Variants in PIK3C2A observed in about 807,000 individuals in gnomAD.
The protein encoded by PIK3C2A is phosphatidylinositol-4-phosphate 3-kinase catalytic subunit type 2 alpha, also known as phosphatidylinositol 4-phosphate 3-kinase C2 domain-containing subunit alpha.
Under a neutral mutation model 204.5 loss-of-function variants are expected in PIK3C2A, and 97 were observed. That is an observed-to-expected ratio of 0.47 (90% CI 0.40 to 0.56). PIK3C2A has a LOEUF of 0.56. Ranked by LOEUF, PIK3C2A falls within the 20% of genes least tolerant of loss-of-function variation. PIK3C2A has a pLI of 0.00. For synonymous variants in PIK3C2A, 653 were observed against 664.4 expected, an observed-to-expected ratio of 0.98 and a Z score of 0.26; for missense variants, 1,735 against 1,969.2, an observed-to-expected ratio of 0.88 and a Z score of 2.25.
intron 32 of PIK3C2A, 99 bp from the exon 33 acceptor site, chr11:17,090,019 G>T: frequency 1.2e-6 from 1 of 835,146 alleles, no homozygotes; most frequent in Non-Finnish European, 1.9e-6. Flanking sequence ...GCCAAAGAGT[G>T]ACCACAATGA....
At chr11:17,202,686 T>G (rs1008223674) in intron 1 of PIK3C2A, among the ~76,000 whole-genome samples, 1 of 152,158 alleles carries the variant, frequency 6.6e-6, no homozygotes, top group South Asian at 2.1e-4. Context: ...CTCAGCAAAA[T>G]CAGAATACTT....
chr11:17,182,331 T>C (rs1026077046), intron 1 of PIK3C2A, among the ~76,000 whole-genome samples: 5 of 151,856 alleles, frequency 3.3e-5, no homozygotes, highest in Non-Finnish European at 7.4e-5. Context: ...ACAAAACACA[T>C]TGGGAGGCTG....
chr11:17,125,240 G>A (rs1389819881), intron 13 of PIK3C2A, among the ~76,000 whole-genome samples: 4 of 152,064 alleles, frequency 2.6e-5, no homozygotes, highest in African/African-American at 7.2e-5. Flanking sequence ...TTCTCAACTG[G>A]GAGTGATTTT....
chr11:17,092,583 A>G (rs957809695), intron 28 of PIK3C2A, among the ~76,000 whole-genome samples: 1 of 152,178 alleles, frequency 6.6e-6, no homozygotes, highest in Admixed American at 6.5e-5. Context: ...GAGGCAGAAA[A>G]ATCACTTGAA....
chr11:17,139,165 G>A (rs1005400525), intron 8 of PIK3C2A, among the ~76,000 whole-genome samples: 22 of 151,284 alleles, frequency 1.5e-4, no homozygotes, highest in African/African-American at 3.4e-4. Context: ...CACCTGCCTC[G>A]GCCTCCCCAA....
chr11:17,166,516 T>C (rs540140621), intron 2 of PIK3C2A, among the ~76,000 whole-genome samples: 4 of 152,332 alleles, frequency 2.6e-5, no homozygotes, highest in South Asian at 2.1e-4. Flanking sequence ...TAATGGGAAG[T>C]TCAGAATTTA....
intron 8 of PIK3C2A, among the ~76,000 whole-genome samples, chr11:17,140,166 G>C (rs1850013292): frequency 6.6e-6 from 1 of 152,114 alleles, no homozygotes. Context: ...TGTAATCCTA[G>C]CTACCTGAGA....
intron 12 of PIK3C2A, among the ~76,000 whole-genome samples, chr11:17,130,949 G>A (rs1241457655): frequency 6.6e-6 from 1 of 151,968 alleles, no homozygotes; most frequent in Non-Finnish European, 1.5e-5. Flanking sequence ...CACTTTGGGA[G>A]GCCGAGGTGG....
intron 3 of PIK3C2A, among the ~76,000 whole-genome samples, chr11:17,153,457 T>G (rs1380614991): frequency 6.6e-6 from 1 of 151,288 alleles, no homozygotes; most frequent in Non-Finnish European, 1.5e-5. Flanking sequence ...AAAAAGAACC[T>G]TTTCAGCACC....
At chr11:17,091,730 AT>A in intron 30 of PIK3C2A, 74 bp from the exon 31 acceptor site, 1 of 1,015,324 alleles carries the variant, frequency 9.8e-7, no homozygotes, top group East Asian at 2.5e-5. Flanking sequence ...ATTTTGCTTT[AT>A]TTTCAAGACT....
intron 2 of PIK3C2A, among the ~76,000 whole-genome samples, chr11:17,158,741 T>C (rs1313234969): frequency 1.3e-5 from 2 of 152,198 alleles, no homozygotes; most frequent in East Asian, 3.8e-4. Flanking sequence ...CTTCATGTTT[T>C]ACTTATTTTA....
chr11:17,168,414 T>C (rs748892532), intron 2 of PIK3C2A, among the ~76,000 whole-genome samples: 17 of 152,202 alleles, frequency 1.1e-4, no homozygotes, highest in Middle Eastern at 3.4e-3. Context: ...ACCCCGTCTC[T>C]ATTAAAAATA....
chr11:17,141,762 G>A (rs1221317668), intron 8 of PIK3C2A, among the ~76,000 whole-genome samples: 3 of 152,200 alleles, frequency 2.0e-5, no homozygotes, highest in African/African-American at 7.2e-5. Context: ...TAGAGGGCAG[G>A]GGTAGACACT....
chr11:17,163,065 G>A (rs1850833285), intron 2 of PIK3C2A, among the ~76,000 whole-genome samples: 1 of 152,150 alleles, frequency 6.6e-6, no homozygotes, highest in African/African-American at 2.4e-5. Flanking sequence ...CAGCACTTGG[G>A]GGGACTGAGG....
intron 22 of PIK3C2A, among the ~76,000 whole-genome samples, chr11:17,109,656 T>G (rs1238110291): frequency 6.6e-6 from 1 of 152,160 alleles, no homozygotes; most frequent in African/African-American, 2.4e-5. Context: ...CTTAACCTCC[T>G]AGGCTCAAGT....
At position 17,087,748 on chromosome 11, in the gene PIK3C2A, A is replaced by T. The variant is rs934113183; in HGVS notation, c.*1990T>A. 2.0e-5 allele frequency: 3 copies of T among 152,256 alleles called. No individual in the cohort carries two copies. Among genetic ancestry groups the T allele is most frequent in the African/African-American group, 7.2e-5 (3 of 41,474 alleles). The allele number at this position is 152,256 out of a possible 1,614,324, so 9.4% of individuals were successfully genotyped here. On this transcript the variant is annotated 3_prime_UTR_variant, in exon 33 of 33. Transcript: ENST00000691414. ...CATTTGCATTTGCAAAGGTACTTACATACTTTAAGGAAATGTTAATGATCT... is the reference window on the plus strand; with the variant it reads ...CATTTGCATTTGCAAAGGTACTTACTTACTTTAAGGAAATGTTAATGATCT...
chr11:17,182,872 A>C (rs575910024), intron 1 of PIK3C2A, among the ~76,000 whole-genome samples: 1 of 152,230 alleles, frequency 6.6e-6, no homozygotes, highest in Non-Finnish European at 1.5e-5. Context: ...ACAGGTTCTC[A>C]CTCTGTCGCC....
rs561394013 is a variant in PIK3C2A, at chr11:17,121,214, C to T, written c.2657+974G>A. ...ATCACTGCAGCCTTGACCTCCTGGG[C>T]TCAAGCAATTCTCCCACCTCAGCCT... is the stretch of plus-strand genomic sequence containing the variant. On this transcript the variant is annotated intron_variant, in intron 15 of 32. Transcript: ENST00000691414. Among the ~76,000 whole-genome samples, 11 of 152,188 alleles carry T rather than the reference C, an allele frequency of 7.2e-5. No individual in the cohort carries two copies. In the East Asian group the frequency reaches 2.1e-3, roughly 29 times the overall value.
In PIK3C2A at chr11:17,137,143, T is replaced by C. The variant is rs191808812; in HGVS notation, c.1705-518A>G. Reference sequence around the variant, plus strand: ...GCCAAACTTTTATGCCAAGTACTGTTAGAATGGGCTGAAACTCAGTACTAT... The same window carrying C: ...GCCAAACTTTTATGCCAAGTACTGTCAGAATGGGCTGAAACTCAGTACTAT... On this transcript the variant is annotated intron_variant, in intron 8 of 32. Transcript: ENST00000691414. Among the ~76,000 whole-genome samples, 45 of 152,286 alleles carry C rather than the reference T, an allele frequency of 3.0e-4. 1 individual carries two copies. Among genetic ancestry groups the C allele is most frequent in the Admixed American group, 9.8e-4 (15 of 15,302 alleles).
Sources: allele counts gnomAD v4.1 joint callset (sites outside exome capture counted in the v4.1 genomes callset), GRCh38; gene constraint gnomAD v4.1.1; transcripts MANE v1.5; gene names NCBI Gene and HGNC (gene_info 2026-07-23, HGNC 2026-07-21).